CDH23: variants seen among roughly 807,000 people sequenced by gnomAD.
CDH23 encodes cadherin related 23.
A neutral mutation model predicts 317.1 loss-of-function variants in CDH23; 189 were observed. That is an observed-to-expected ratio of 0.60 (90% CI 0.53 to 0.67). The LOEUF (loss-of-function observed/expected upper bound fraction) is 0.67. Ranked by LOEUF, CDH23 falls within the 30% of genes least tolerant of loss-of-function variation. The probability of loss-of-function intolerance (pLI) is 0.00; values close to 1 mark genes in which losing one functional copy is unlikely to be tolerated. For synonymous variants in CDH23, 1,839 were observed against 1,876.8 expected, an observed-to-expected ratio of 0.98 and a Z score of 0.52; for missense variants, 4,401 against 4,592.4, an observed-to-expected ratio of 0.96 and a Z score of 1.20.
In CDH23 at chr10:71,490,268, G is replaced by T. The variant is rs1430611061; in HGVS notation, c.146-19814G>T. On this transcript the variant is annotated intron_variant, in intron 3 of 69. Transcript: ENST00000224721. ...CACATTTTATCTGCTATTTTCAGTT[G>T]TTTGCAAATTTCAAGTTGATCCAGG... is the stretch of plus-strand genomic sequence containing the variant. Among the ~76,000 whole-genome samples the T allele has an allele frequency of 3.3e-5, 5 of 152,182 alleles. 1 individual carries two copies. In the East Asian group the frequency reaches 5.8e-4, roughly 18 times the overall value.
At chr10:71,533,943 AC>A (rs1795931781) in intron 6 of CDH23, among the ~76,000 whole-genome samples, 1 of 149,508 alleles carries the variant, frequency 6.7e-6, no homozygotes, top group Admixed American at 6.6e-5. Flanking sequence ...CAAAACCAGC[AC>A]CTTTGAAGCT....
intron 26 of CDH23, chr10:71,707,502 G>T: frequency 9.3e-7 from 1 of 1,071,764 alleles, no homozygotes; most frequent in Non-Finnish European, 1.1e-6. Context: ...AATGGTTTTA[G>T]CTCAAAAATG....
intron 52 of CDH23, 115 bp from the exon 53 acceptor site, chr10:71,800,521 T>G (rs1291010164): frequency 1.8e-5 from 22 of 1,236,114 alleles, no homozygotes; most frequent in Non-Finnish European, 2.4e-5. Context: ...GAGGTTATTG[T>G]CTCTTTTGTT....
intron 6 of CDH23, among the ~76,000 whole-genome samples, chr10:71,555,064 G>A (rs906513251): frequency 4.6e-5 from 7 of 152,154 alleles, no homozygotes; most frequent in African/African-American, 9.7e-5. Flanking sequence ...TTGAGGGCAC[G>A]GGGGTATGAG....
At chr10:71,808,186 T>C (rs1054040855) in intron 60 of CDH23, among the ~76,000 whole-genome samples, 179 bp downstream of exon 60, 5 of 152,232 alleles carry the variant, frequency 3.3e-5, no homozygotes, top group Non-Finnish European at 7.3e-5. Context: ...TGTATCCACC[T>C]ATCCACCTCT....
chr10:71,446,526 G>T (rs1850178596), intron 3 of CDH23, 131 bp downstream of exon 3: 3 of 897,862 alleles, frequency 3.3e-6, no homozygotes, highest in African/African-American at 1.6e-5. Context: ...GTGTAGAAAG[G>T]CCCCTGCTAG....
At chr10:71,538,632 C>T (rs1325256946) in intron 6 of CDH23, among the ~76,000 whole-genome samples, 2 of 152,166 alleles carry the variant, frequency 1.3e-5, no homozygotes, top group African/African-American at 2.4e-5. Flanking sequence ...GATGCTGAGG[C>T]GAATATACTC....
At chr10:71,593,747 C>T (rs1013357867) in intron 9 of CDH23, among the ~76,000 whole-genome samples, 1 of 152,198 alleles carries the variant, frequency 6.6e-6, no homozygotes, top group Non-Finnish European at 1.5e-5. Flanking sequence ...AGTGACTAAC[C>T]TCTTCACACC....
intron 38 of CDH23, among the ~76,000 whole-genome samples, chr10:71,771,254 CCT>C (rs1458308704): frequency 2.0e-5 from 3 of 152,288 alleles, no homozygotes; most frequent in East Asian, 3.9e-4. Flanking sequence ...CCCATCTCAC[CCT>C]GAGTCAGGCC....
intron 60 of CDH23, among the ~76,000 whole-genome samples, chr10:71,808,234 C>T: frequency 6.6e-6 from 1 of 152,248 alleles, no homozygotes; most frequent in East Asian, 1.9e-4. Flanking sequence ...ATTCTCTCTT[C>T]TTTTCAACTC....
At chr10:71,771,159 C>T (rs748007500) in intron 38 of CDH23, among the ~76,000 whole-genome samples, 4 of 152,150 alleles carry the variant, frequency 2.6e-5, no homozygotes, top group African/African-American at 9.7e-5. Context: ...GTAACTGCCT[C>T]GGGTCCTGGG....
intron 3 of CDH23, among the ~76,000 whole-genome samples, chr10:71,478,375 G>C (rs1331003975): frequency 6.6e-6 from 1 of 152,172 alleles, no homozygotes; most frequent in African/African-American, 2.4e-5. Context: ...TGCACCTGCA[G>C]TTCCCTCTGC....
At chr10:71,568,940 G>A (rs986576850) in intron 7 of CDH23, among the ~76,000 whole-genome samples, 12 of 152,242 alleles carry the variant, frequency 7.9e-5, no homozygotes, top group Admixed American at 3.3e-4. Context: ...GAGAGGGCCT[G>A]TGCCAGGCTA....
rs539093308 is a variant in CDH23 at position 71,606,955 on chromosome 10, C to T, written c.833-8549C>T. Among the ~76,000 whole-genome samples the T allele has an allele frequency of 3.0e-4, 45 of 152,292 alleles. No homozygotes were observed. The South Asian group carries it at 9.3e-3, about 32-fold the overall frequency. The stretch of plus-strand genomic sequence containing the variant: ...GCTGGTCCCCTCTCCTGGTTGAAAG[C>T]CGAGGTAACCCACACCGCTGGCTGC... On this transcript the variant is annotated intron_variant, in intron 9 of 69. Transcript: ENST00000224721.
At chr10:71,723,679 C>T (rs534618578) in intron 28 of CDH23, among the ~76,000 whole-genome samples, 19 of 152,244 alleles carry the variant, frequency 1.2e-4, no homozygotes, top group Admixed American at 2.0e-4. Flanking sequence ...GGGAGAGGCT[C>T]CTGGGCTCTG....
In CDH23 at chr10:71,397,702, T is replaced by C. The variant is rs1464539372; in HGVS notation, c.-6+384T>C. The stretch of plus-strand genomic sequence containing the variant: ...AGAGATTTTCGAGAGTGGAGCGCGT[T>C]GGGATCCAATCCCCTCCCCTTCTGA... On this transcript the variant is annotated intron_variant, in intron 1 of 69. Transcript: ENST00000224721. The surrounding 1 kb of genome is among the most constrained non-coding windows in gnomAD (Gnocchi z 4.8). Among the ~76,000 whole-genome samples, 3 of 151,914 alleles carry C rather than the reference T, an allele frequency of 2.0e-5. No homozygotes were observed. The East Asian group carries it at 5.8e-4, about 30-fold the overall frequency.
At chr10:71,654,013 G>A (rs1222325745) in intron 14 of CDH23, among the ~76,000 whole-genome samples, 3 of 152,102 alleles carry the variant, frequency 2.0e-5, no homozygotes, top group Non-Finnish European at 2.9e-5. Context: ...CAGTTGGTGC[G>A]TTGGTTGAGT....
chr10:71,518,558 G>A (rs114313894), intron 6 of CDH23, among the ~76,000 whole-genome samples: 4 of 152,098 alleles, frequency 2.6e-5, no homozygotes, highest in Non-Finnish European at 4.4e-5. Flanking sequence ...ACCCAGCCAC[G>A]GTCATAGTGA....
intron 3 of CDH23, among the ~76,000 whole-genome samples, chr10:71,450,894 G>A (rs1850407789): frequency 6.6e-6 from 1 of 152,048 alleles, no homozygotes; most frequent in African/African-American, 2.4e-5. Flanking sequence ...TGCTCTCAGG[G>A]AAGACTCCAG....
Sources: allele counts gnomAD v4.1 joint callset (sites outside exome capture counted in the v4.1 genomes callset), GRCh38; gene constraint gnomAD v4.1.1; non-coding constraint Gnocchi (gnomAD v3.1); transcripts MANE v1.5; gene names NCBI Gene and HGNC (gene_info 2026-07-23, HGNC 2026-07-21).